VIT: variants seen among roughly 807,000 people sequenced by gnomAD.
VIT encodes the protein vitrin.
VIT carries 99 observed loss-of-function variants against 78.0 expected under a neutral mutation model. The ratio of observed to expected loss-of-function variants is 1.27; its 90% confidence interval spans 1.08 to 1.50. The LOEUF (loss-of-function observed/expected upper bound fraction) is 1.50, where lower values mean the gene tolerates loss of function less well. Among genes scored for constraint, VIT ranks in the 40% most tolerant of loss-of-function variants. The pLI is 0.00. For synonymous variants in VIT, 374 were observed against 334.3 expected (o/e 1.12, Z -1.29); for missense variants, 1,126 against 875.3 (o/e 1.29, Z -3.61).
chr2:36,774,318 C>A (rs1572516146), intron 8 of VIT, among the ~76,000 whole-genome samples: 1 of 152,266 alleles, frequency 6.6e-6, no homozygotes, highest in East Asian at 1.9e-4. Context: ...CCCTGGCTGT[C>A]TTCATTTCTG....
At chr2:36,772,468 G>T (rs766011756) in intron 7 of VIT, among the ~76,000 whole-genome samples, 5 of 152,120 alleles carry the variant, frequency 3.3e-5, no homozygotes, top group Non-Finnish European at 7.4e-5. Context: ...CTGGAAGGCG[G>T]AGGTTGTGGG....
intron 11 of VIT, among the ~76,000 whole-genome samples, chr2:36,785,142 A>T (rs1665008210): frequency 6.6e-6 from 1 of 152,218 alleles, no homozygotes; most frequent in East Asian, 1.9e-4. Flanking sequence ...TCTAATTAAC[A>T]CTTGTTCCCA....
At chr2:36,793,803 G>A (rs1054583834) in intron 12 of VIT, among the ~76,000 whole-genome samples, 1 of 152,206 alleles carries the variant, frequency 6.6e-6, no homozygotes, top group African/African-American at 2.4e-5. Flanking sequence ...GGCTCATTCT[G>A]TGTGACTCAG....
At chr2:36,720,225 A>C (rs1349226242) in intron 2 of VIT, among the ~76,000 whole-genome samples, 1 of 152,174 alleles carries the variant, frequency 6.6e-6, no homozygotes, top group Non-Finnish European at 1.5e-5. Flanking sequence ...GGCATCAAAT[A>C]CCCAACATCC....
At position 36,767,218 on chromosome 2, in the gene VIT, C is replaced by T. The variant is rs375277965; in HGVS notation, c.612C>T (p.Ser204=). The change falls in exon 7 of 16, where the codon TCC becomes TCT. Residue 204 remains serine (S), a synonymous_variant. Coordinates refer to ENST00000379242, the MANE Select transcript of VIT (RefSeq NM_053276.4). The part of the protein sequence containing the change: ...VATPTTLPRP[S]PSAASTTSIP... ...CCCCCACCACCTTGCCAAGGCCATCCCCTTCTGCTGCTTCTACCACCAGCA... is the reference window on the plus strand; with the variant it reads ...CCCCCACCACCTTGCCAAGGCCATCTCCTTCTGCTGCTTCTACCACCAGCA... 5.0e-6 allele frequency: 8 copies of T among 1,607,568 alleles called. No homozygotes were observed. The highest frequency in any genetic ancestry group is 1.7e-4 in the Middle Eastern group (1 of 6,058).
intron 3 of VIT, among the ~76,000 whole-genome samples, chr2:36,740,163 A>G (rs1284432705): frequency 6.6e-6 from 1 of 152,234 alleles, no homozygotes; most frequent in Non-Finnish European, 1.5e-5. Flanking sequence ...GAAGGGAGAT[A>G]CGAATAAACC....
chr2:36,759,212 A>T, intron 6 of VIT, 166 bp downstream of exon 6: 1 of 1,559,792 alleles, frequency 6.4e-7, no homozygotes, highest in Non-Finnish European at 8.7e-7. Context: ...ATGAGATCAG[A>T]TGGCTGGGGC....
At chr2:36,761,650 G>T (rs907411430) in intron 6 of VIT, among the ~76,000 whole-genome samples, 10 of 152,106 alleles carry the variant, frequency 6.6e-5, no homozygotes, top group African/African-American at 2.2e-4. Flanking sequence ...TGAGGCAGGA[G>T]AATCACTTGA....
rs1489472146 is a variant in VIT, at chr2:36,728,588, C to T, written c.53-838C>T. ...CAGCACTTTGGGAGGCCGAGGCGGG[C>T]GGATCACGAGGTCAGGAGATCGAGA... is the stretch of plus-strand genomic sequence containing the variant. On this transcript the variant is annotated intron_variant, in intron 2 of 15. Coordinates refer to ENST00000379242, the MANE Select transcript of VIT (RefSeq NM_053276.4). 2.0e-4 allele frequency among the ~76,000 whole-genome samples: 6 copies of T among 29,634 alleles called. 1 individual carries two copies. The highest frequency in any genetic ancestry group is 1.0e-3 in the East Asian group (1 of 968). The allele number at this position is 29,634 out of a possible 152,430, so 19.4% of individuals were successfully genotyped here. A position where few individuals can be genotyped will look rare whatever the true frequency, so the allele number is the denominator to read the frequency against.
chr2:36,718,343 A>T (rs1666293093), intron 2 of VIT, among the ~76,000 whole-genome samples: 1 of 152,202 alleles, frequency 6.6e-6, no homozygotes, highest in Admixed American at 6.5e-5. Flanking sequence ...GGCTCCAGGC[A>T]TGGTGGAAGG....
chr2:36,737,636 G>T (rs1325899547), intron 3 of VIT, among the ~76,000 whole-genome samples: 3 of 152,226 alleles, frequency 2.0e-5, no homozygotes, highest in Non-Finnish European at 4.4e-5. Context: ...AAGAGTAGAT[G>T]ATTCCTGAAC....
chr2:36,709,241 T>C (rs1030606093), intron 1 of VIT, among the ~76,000 whole-genome samples: 1 of 152,184 alleles, frequency 6.6e-6, no homozygotes, highest in African/African-American at 2.4e-5. Context: ...GAAACAGCTA[T>C]GGCAAGGGGA....
intron 1 of VIT, among the ~76,000 whole-genome samples, chr2:36,714,194 T>G (rs1057375086): frequency 3.9e-5 from 6 of 152,234 alleles, no homozygotes; most frequent in African/African-American, 1.4e-4. Flanking sequence ...ACTAAACAAC[T>G]TTAAGTTAAT....
intron 4 of VIT, among the ~76,000 whole-genome samples, chr2:36,749,801 C>A (rs1668348875): frequency 3.9e-5 from 6 of 152,088 alleles, no homozygotes; most frequent in African/African-American, 1.4e-4. Context: ...TTTCCTTTTC[C>A]TTTTTTGCAC....
intron 6 of VIT, among the ~76,000 whole-genome samples, chr2:36,765,435 A>AGAGAGAC (rs1553372934): frequency 7.4e-6 from 1 of 135,278 alleles, no homozygotes; most frequent in Non-Finnish European, 1.6e-5. Context: ...GAGAGAGAGA[A>AGAGAGAC]AGAGAGAGAG....
intron 3 of VIT, among the ~76,000 whole-genome samples, chr2:36,730,302 G>C (rs1444065021): frequency 2.7e-5 from 4 of 149,974 alleles, no homozygotes; most frequent in East Asian, 3.9e-4. Flanking sequence ...AAAAAAAACA[G>C]GGGGAAAAAA....
chr2:36,722,656 C>T (rs1666584766), intron 2 of VIT, among the ~76,000 whole-genome samples: 1 of 152,164 alleles, frequency 6.6e-6, no homozygotes, highest in Non-Finnish European at 1.5e-5. Context: ...AAAGATCTAA[C>T]AGGAAGTTTA....
chr2:36,743,171 G>A lies in VIT; in HGVS notation c.190G>A (p.Ala64Thr), dbSNP rs747882304. The change falls in exon 4 of 16, where the codon GCA becomes ACA. Residue 64 changes from alanine (A) to threonine (T), a missense_variant. Coordinates refer to ENST00000379242, the MANE Select transcript of VIT (RefSeq NM_053276.4). ...TCCTGAGTTCATTGTGAAATGTCCAGCAGGATGCCAAGACCCCAAATACCA... is the reference window on the plus strand; with the variant it reads ...TCCTGAGTTCATTGTGAAATGTCCAACAGGATGCCAAGACCCCAAATACCA... ...IDPEFIVKCP[A>T]GCQDPKYHVY... 1.9e-6 allele frequency: 3 copies of A among 1,614,080 alleles called. No individual in the cohort carries two copies. In the African/African-American group the frequency reaches 4.0e-5, roughly 22 times the overall value.
intron 2 of VIT, among the ~76,000 whole-genome samples, chr2:36,717,101 T>G (rs1666192552): frequency 6.6e-6 from 1 of 151,606 alleles, no homozygotes; most frequent in African/African-American, 2.4e-5. Context: ...GGTCTTGAAC[T>G]CCTGACCTCG....
Sources: gnomAD v4.1 joint callset for allele counts (sites outside exome capture counted in the v4.1 genomes callset) on GRCh38, gnomAD v4.1.1 for gene constraint, MANE v1.5 for transcripts, NCBI Gene and HGNC (gene_info 2026-07-23, HGNC 2026-07-21) for gene names.